The following KCTD20 variants were observed in gnomAD, a reference collection of about 807,000 sequenced individuals.
KCTD20 encodes the protein BTB/POZ domain-containing protein KCTD20.
In KCTD20, 30 loss-of-function variants were observed where a neutral mutation model predicts 39.6. The observed-to-expected ratio is 0.76, with a 90% CI of 0.57 to 1.03. KCTD20 has a LOEUF of 1.03. Ranked by LOEUF, KCTD20 falls within the 50% of genes least tolerant of loss-of-function variation. KCTD20 has a pLI of 0.00. For missense variants in KCTD20, 422 were observed against 522.0 expected, an observed-to-expected ratio of 0.81 and a Z score of 1.87; for synonymous variants, 162 against 180.6, an observed-to-expected ratio of 0.90 and a Z score of 0.83.
At chr6:36,462,992 A>T (rs773452519) in intron 1 of KCTD20, among the ~76,000 whole-genome samples, 1 of 152,202 alleles carries the variant, frequency 6.6e-6, no homozygotes, top group Non-Finnish European at 1.5e-5. Context: ...GCTTTACCCA[A>T]GGGAGTGTGT....
intron 1 of KCTD20, chr6:36,450,910 T>A (rs1473883038): frequency 6.6e-6 from 1 of 152,266 alleles, no homozygotes; most frequent in African/African-American, 2.4e-5. Context: ...TTTTACTTTT[T>A]AAGAGTTAGA....
At chr6:36,479,861 G>A (rs1490914900) in intron 5 of KCTD20, 150 bp downstream of exon 5, 6 of 645,262 alleles carry the variant, frequency 9.3e-6, no homozygotes, top group African/African-American at 4.2e-5. Context: ...GCACGATCTC[G>A]GCTTACCGCA....
intron 2 of KCTD20, among the ~76,000 whole-genome samples, chr6:36,472,445 AT>A (rs1273399085): frequency 2.0e-5 from 3 of 152,270 alleles, no homozygotes; most frequent in African/African-American, 7.2e-5. Context: ...AATCAGACTA[AT>A]TTCCCAGAGG....
chr6:36,472,280 A>AC (rs1775934735), intron 2 of KCTD20, among the ~76,000 whole-genome samples: 1 of 152,230 alleles, frequency 6.6e-6, no homozygotes, highest in Non-Finnish European at 1.5e-5. Flanking sequence ...TGGTGTGCAA[A>AC]CATGAGACCA....
rs145257777 is a variant in KCTD20, at chr6:36,481,590, C to T, written c.687C>T (p.Asp229=). The T allele has an allele frequency of 6.2e-6, 10 of 1,614,172 alleles. No individual in the cohort carries two copies. Among genetic ancestry groups the T allele is most frequent in the Admixed American group, 5.0e-5 (3 of 60,026 alleles). ...CTTTACTCCATGAACTGTCTAATGACGGTGCTCATAAGCAGTTTGATCACT... is the reference window on the plus strand; with the variant it reads ...CTTTACTCCATGAACTGTCTAATGATGGTGCTCATAAGCAGTTTGATCACT... ...LSALLHELSN[D]GAHKQFDHYL... is the part of the protein sequence containing the mutation. Residue 229 remains aspartate, a synonymous_variant, in exon 6 of 8, where the codon GAC becomes GAT. Transcript: ENST00000373731.
intron 5 of KCTD20, among the ~76,000 whole-genome samples, chr6:36,480,629 T>TCCAGCTG (rs1246760416): frequency 3.9e-5 from 6 of 152,134 alleles, no homozygotes; most frequent in African/African-American, 1.2e-4. Flanking sequence ...TGGCACAATC[T>TCCAGCTG]CAGCTCACTG....
At position 36,475,056 on chromosome 6, in the gene KCTD20, T is replaced by A; in HGVS notation, c.428T>A (p.Leu143Gln). Residue 143 changes from leucine to glutamine, a missense_variant, in exon 3 of 8, where the codon CTG becomes CAG. Coordinates refer to ENST00000373731, the MANE Select transcript of KCTD20 (RefSeq NM_173562.5). ...TTCACTGCTCATCCGGATACCATGCTGGGAAGGTAACTGATGATAATTTTC... is the reference window on the plus strand; with the variant it reads ...TTCACTGCTCATCCGGATACCATGCAGGGAAGGTAACTGATGATAATTTTC... Reference protein sequence around the residue: ...QIFTAHPDTMLGRMFGPGREY... With the variant: ...QIFTAHPDTMQGRMFGPGREY... 6.2e-7 allele frequency: 1 copy of A among 1,612,476 alleles called. No individual in the cohort carries two copies. Among genetic ancestry groups the A allele is most frequent in the Non-Finnish European group, 8.5e-7 (1 of 1,179,168 alleles).
At chr6:36,480,489 C>T (rs1776212554) in intron 5 of KCTD20, among the ~76,000 whole-genome samples, 2 of 149,278 alleles carry the variant, frequency 1.3e-5, no homozygotes, top group African/African-American at 5.0e-5. Flanking sequence ...AACTTCTGGC[C>T]TCAAGCAGTC....
In KCTD20 at chr6:36,490,050, G is replaced by A. The variant is rs529606488; in HGVS notation, c.*2875G>A. ...CTACTTTAAATCCCAAGAGAACAGT[G>A]TGATGTCTAATATATACAGGTCTAT... On this transcript the variant is annotated 3_prime_UTR_variant, in exon 8 of 8. Coordinates refer to ENST00000373731, the MANE Select transcript of KCTD20 (RefSeq NM_173562.5). The A allele has an allele frequency of 6.6e-6, 1 of 152,338 alleles. No homozygotes were observed. The highest frequency in any genetic ancestry group is 2.4e-5 in the African/African-American group (1 of 41,582). 9.4% of individuals were successfully genotyped at this position (152,338 alleles called of 1,614,324 possible). A position where few individuals can be genotyped will look rare whatever the true frequency, so the allele number is the denominator to read the frequency against.
chr6:36,456,571 G>T lies in KCTD20; in HGVS notation c.-47+13460G>T, dbSNP rs550040417. ...TGGGATTACAGGCCTGAGCCACCAC[G>T]CCCAGGCTTTTTTTTTTTTTTTTTT... is the stretch of plus-strand genomic sequence containing the variant. On this transcript the variant is annotated intron_variant, in intron 1 of 7. Coordinates refer to ENST00000373731, the MANE Select transcript of KCTD20 (RefSeq NM_173562.5). 1.2e-3 allele frequency among the ~76,000 whole-genome samples: 160 copies of T among 138,990 alleles called. No homozygotes were observed. In the South Asian group the frequency reaches 0.013, roughly 11 times the overall value. The allele number at this position is 138,990 out of a possible 152,430, so 91.2% of individuals were successfully genotyped here.
rs3045972 is a variant in KCTD20 at position 36,469,514 on chromosome 6, AAGAG to A, written c.-46-534_-46-531del. Among the ~76,000 whole-genome samples the A allele has an allele frequency of 0.23, 34,839 of 151,954 alleles. 4,147 individuals carry two copies. The highest frequency in any genetic ancestry group is 0.39 in the East Asian group (2,000 of 5,160). Reference sequence around the variant, plus strand: ...ATTGAGCATAAGGTATACAAAGTGAAAGAGAGAAAAGGGGAGATAAAAAGGAGAA... The same window carrying A: ...ATTGAGCATAAGGTATACAAAGTGAAAGAAAAGGGGAGATAAAAAGGAGAA... On this transcript the variant is annotated intron_variant, in intron 1 of 7. Coordinates refer to ENST00000373731, the MANE Select transcript of KCTD20 (RefSeq NM_173562.5). The surrounding 1 kb of genome is among the most constrained non-coding windows in gnomAD (Gnocchi z 4.6).
At chr6:36,474,218 T>TC (rs911322668) in intron 2 of KCTD20, among the ~76,000 whole-genome samples, 1 of 104,924 alleles carries the variant, frequency 9.5e-6, no homozygotes, top group African/African-American at 3.7e-5. Context: ...ATGCTATCCC[T>TC]CCCCCCTCCC....
Position 36,466,786 on chromosome 6 carries a change from T to C in KCTD20, c.-46-3266T>C, listed in dbSNP as rs180691183. On this transcript the variant is annotated intron_variant, in intron 1 of 7. Transcript: ENST00000373731. ...TGAACCAGGGTAGGCAATGAAAATA[T>C]CATTCAAAGTTGAATGAAGCGTCCA... is the stretch of plus-strand genomic sequence containing the variant. Among the ~76,000 whole-genome samples, 23 of 152,146 alleles carry C rather than the reference T, an allele frequency of 1.5e-4. No homozygotes were observed. In the East Asian group the frequency reaches 4.4e-3, roughly 29 times the overall value.
rs1028976490 is a variant in KCTD20, at chr6:36,479,139, A to G, written c.453A>G (p.Arg151=). 2.5e-6 allele frequency: 4 copies of G among 1,612,334 alleles called. No individual in the cohort carries two copies. The highest frequency in any genetic ancestry group is 2.7e-5 in the African/African-American group (2 of 74,868). The part of the protein sequence containing the change: ...TMLGRMFGPG[R]EYNFTRPNEK... Reference sequence around the variant, plus strand: ...CTTTCAGGATGTTTGGACCAGGAAGAGAGTACAACTTCACTCGGCCCAATG... The same window carrying G: ...CTTTCAGGATGTTTGGACCAGGAAGGGAGTACAACTTCACTCGGCCCAATG... The change falls in exon 4 of 8, where the codon AGA becomes AGG. Residue 151 remains arginine, a synonymous_variant. Transcript: ENST00000373731.
Position 36,479,729 on chromosome 6 carries a change from T to G in KCTD20, c.658+18T>G. On this transcript the variant is annotated intron_variant, in intron 5 of 7. Coordinates refer to ENST00000373731, the MANE Select transcript of KCTD20 (RefSeq NM_173562.5). ...AGATCTGAGTAAGTACAGGAGCAGG[T>G]GCCAGCTGCACTTAAGCAGCTGAAC... The G allele has an allele frequency of 1.9e-6, 3 of 1,559,128 alleles. No individual in the cohort carries two copies.
intron 1 of KCTD20, among the ~76,000 whole-genome samples, chr6:36,448,015 G>GTATATATATA (rs70975158): frequency 3.9e-5 from 5 of 128,948 alleles, no homozygotes; most frequent in African/African-American, 1.0e-4. Flanking sequence ...ATGTGTGTGT[G>GTATATATATA]TATATATATA....
At chr6:36,484,963 T>C (rs1417129075) in intron 7 of KCTD20, 139 bp downstream of exon 7, 4 of 598,678 alleles carry the variant, frequency 6.7e-6, no homozygotes, top group South Asian at 4.3e-5. Context: ...TGAATGTTCC[T>C]GTTTTTTCCT....
chr6:36,484,539 A>T (rs904454735), intron 6 of KCTD20, among the ~76,000 whole-genome samples, 175 bp from the exon 7 acceptor site: 42 of 152,134 alleles, frequency 2.8e-4, no homozygotes, highest in Admixed American at 2.7e-3. Context: ...CCCCACCCTG[A>T]GACTATAAAA....
At chr6:36,466,950 T>TA (rs1775773348) in intron 1 of KCTD20, among the ~76,000 whole-genome samples, 1 of 152,058 alleles carries the variant, frequency 6.6e-6, no homozygotes, top group African/African-American at 2.4e-5. Flanking sequence ...TTAGAGGAAA[T>TA]AGAGTTTATA....
Sources: gnomAD v4.1 joint callset for allele counts (sites outside exome capture counted in the v4.1 genomes callset) on GRCh38, gnomAD v4.1.1 for gene constraint, Gnocchi (gnomAD v3.1) non-coding constraint, MANE v1.5 for transcripts, NCBI Gene and HGNC (gene_info 2026-07-23, HGNC 2026-07-21) for gene names.